EVI5: variants seen among roughly 807,000 people sequenced by gnomAD.
The protein encoded by EVI5 is ecotropic viral integration site 5 protein homolog.
EVI5 carries 73 observed loss-of-function variants against 112.0 expected under a neutral mutation model. The observed-to-expected ratio is 0.65, with a 90% CI of 0.54 to 0.79. The LOEUF is 0.79. Among genes scored for constraint, EVI5 ranks in the 30% least tolerant of loss-of-function variants. The pLI, the probability that EVI5 is intolerant of heterozygous loss-of-function variation, is 0.00. For missense variants in EVI5, 900 were observed against 968.8 expected, an observed-to-expected ratio of 0.93 and a Z score of 0.94; for synonymous variants, 305 against 319.9, an observed-to-expected ratio of 0.95 and a Z score of 0.50.
At chr1:92,600,673 CAT>C (rs1648967215) in intron 18 of EVI5, among the ~76,000 whole-genome samples, 2 of 152,192 alleles carry the variant, frequency 1.3e-5, no homozygotes, top group East Asian at 1.9e-4. Context: ...ACACCCCTGA[CAT>C]GTGCAGTTCA....
intron 13 of EVI5, among the ~76,000 whole-genome samples, chr1:92,644,721 T>C (rs1466647368): frequency 2.0e-5 from 3 of 152,170 alleles, no homozygotes; most frequent in Non-Finnish European, 4.4e-5. Context: ...AGATATTGTG[T>C]CTTCATTTTC....
chr1:92,783,228 G>GA (rs1011604813), intron 1 of EVI5, among the ~76,000 whole-genome samples: 13 of 151,948 alleles, frequency 8.6e-5, no homozygotes, highest in Non-Finnish European at 1.6e-4. Context: ...TTTTAGAACA[G>GA]AAAAAAGACC....
intron 19 of EVI5, among the ~76,000 whole-genome samples, chr1:92,550,500 A>AAT (rs972618415): frequency 6.6e-5 from 10 of 150,990 alleles, no homozygotes; most frequent in African/African-American, 2.2e-4. Flanking sequence ...TATAATTAAA[A>AAT]ATATATATAT....
intron 1 of EVI5, among the ~76,000 whole-genome samples, chr1:92,758,514 G>A (rs1441504384): frequency 6.7e-6 from 1 of 148,840 alleles, no homozygotes; most frequent in Non-Finnish European, 1.5e-5. Flanking sequence ...AGGCTGCAGT[G>A]AGCCATTATT....
At chr1:92,516,235 C>T (rs1369132455) in intron 19 of EVI5, among the ~76,000 whole-genome samples, 3 of 152,316 alleles carry the variant, frequency 2.0e-5, no homozygotes, top group African/African-American at 4.8e-5. Flanking sequence ...TGTCTTCCTT[C>T]TTCCTGGCTG....
chr1:92,692,468 G>A (rs1669644531), intron 9 of EVI5, among the ~76,000 whole-genome samples: 1 of 152,210 alleles, frequency 6.6e-6, no homozygotes, highest in Non-Finnish European at 1.5e-5. Context: ...GTATCAACAT[G>A]ATGGTGGTTA....
chr1:92,704,945 A>G (rs940855838), intron 2 of EVI5, among the ~76,000 whole-genome samples: 11 of 149,552 alleles, frequency 7.4e-5, no homozygotes, highest in South Asian at 2.1e-4. Context: ...CAGTTTGAAA[A>G]TTTGAAAAAG....
intron 16 of EVI5, among the ~76,000 whole-genome samples, chr1:92,609,871 CTCTTT>C (rs1557893840): frequency 7.1e-6 from 1 of 140,760 alleles, no homozygotes; most frequent in Non-Finnish European, 1.6e-5. Context: ...CATTCTCTCT[CTCTTT>C]TTTGTTTTTT....
chr1:92,553,846 T>C (rs1191972268), intron 19 of EVI5, among the ~76,000 whole-genome samples: 2 of 152,228 alleles, frequency 1.3e-5, no homozygotes, highest in East Asian at 3.8e-4. Context: ...AAAATTAATC[T>C]GGAAACATTG....
chr1:92,735,518 AT>A (rs1200589669), intron 2 of EVI5, among the ~76,000 whole-genome samples: 2 of 150,768 alleles, frequency 1.3e-5, no homozygotes, highest in Non-Finnish European at 2.9e-5. Flanking sequence ...TATTTTTGTT[AT>A]GATTTTAAGC....
At position 92,772,335 on chromosome 1, in the gene EVI5, G is replaced by A. The variant is rs548811628; in HGVS notation, c.-82+12501C>T. ...AAACTGGCCAGGCGAGGTGGCTCAC[G>A]CCTGTAATCCCAGCACTTTGGGAGG... On this transcript the variant is annotated intron_variant, in intron 1 of 19. Coordinates refer to ENST00000684568, the MANE Select transcript of EVI5 (RefSeq NM_001350197.2). Among the ~76,000 whole-genome samples, 121 of 151,822 alleles carry A rather than the reference G, an allele frequency of 8.0e-4. 2 individuals are homozygous for A. The highest frequency in any genetic ancestry group is 1.5e-3 in the Non-Finnish European group (101 of 67,924).
At chr1:92,547,216 A>C (rs550111319) in intron 19 of EVI5, among the ~76,000 whole-genome samples, 3 of 152,322 alleles carry the variant, frequency 2.0e-5, no homozygotes, top group South Asian at 2.1e-4. Flanking sequence ...GATCAACTAC[A>C]TGGAAACTGA....
At chr1:92,553,713 T>C (rs1335966886) in intron 19 of EVI5, among the ~76,000 whole-genome samples, 1 of 151,668 alleles carries the variant, frequency 6.6e-6, no homozygotes, top group Non-Finnish European at 1.5e-5. Context: ...GAATCACAGG[T>C]GTGAGCCACC....
At chr1:92,631,471 GCTCT>G (rs1557944993) in intron 14 of EVI5, among the ~76,000 whole-genome samples, 4 of 152,132 alleles carry the variant, frequency 2.6e-5, no homozygotes, top group Admixed American at 6.5e-5. Flanking sequence ...TCATGATTTG[GCTCT>G]CTGTTTGTCT....
intron 1 of EVI5, chr1:92,756,901 C>A: frequency 5.2e-6 from 2 of 387,600 alleles, no homozygotes; most frequent in Non-Finnish European, 1.0e-5. Flanking sequence ...TTTCTTATAA[C>A]CAGAGCTTTC....
At chr1:92,772,426 T>C (rs765202182) in intron 1 of EVI5, among the ~76,000 whole-genome samples, 83 of 151,586 alleles carry the variant, frequency 5.5e-4, no homozygotes, top group Non-Finnish European at 9.0e-4. Flanking sequence ...GAAACCCTGA[T>C]TCTACTAAAA....
intron 18 of EVI5, among the ~76,000 whole-genome samples, chr1:92,581,014 A>C (rs1294395604): frequency 6.6e-6 from 1 of 152,212 alleles, no homozygotes; most frequent in Non-Finnish European, 1.5e-5. Context: ...TCTGCTAAAT[A>C]ATAATCAATA....
At chr1:92,774,778 C>A (rs532282969) in intron 1 of EVI5, among the ~76,000 whole-genome samples, 1 of 152,288 alleles carries the variant, frequency 6.6e-6, no homozygotes, top group South Asian at 2.1e-4. Flanking sequence ...AGGCACTAAA[C>A]CCACATTGGT....
intron 19 of EVI5, among the ~76,000 whole-genome samples, chr1:92,553,498 T>C (rs540436298): frequency 2.0e-5 from 3 of 151,652 alleles, no homozygotes; most frequent in Non-Finnish European, 4.4e-5. Flanking sequence ...AGACAGGCTT[T>C]CTCCATGTTG....
Sources: allele counts gnomAD v4.1 joint callset (sites outside exome capture counted in the v4.1 genomes callset), GRCh38; gene constraint gnomAD v4.1.1; transcripts MANE v1.5; gene names NCBI Gene and HGNC (gene_info 2026-07-23, HGNC 2026-07-21).